Variants in ADCY2 observed in about 807,000 individuals in gnomAD.
The protein encoded by ADCY2 is adenylate cyclase type 2.
Under a neutral mutation model 125.2 loss-of-function variants are expected in ADCY2, and 31 were observed. That is an observed-to-expected ratio of 0.25 (90% confidence interval 0.19 to 0.33). ADCY2 has a LOEUF of 0.33. ADCY2 is among the 10% of genes least tolerant of loss of function. The pLI, the probability that ADCY2 is intolerant of heterozygous loss-of-function variation, is 1.00. For synonymous variants in ADCY2, 512 were observed against 548.4 expected (o/e 0.93, Z 0.93); for missense variants, 904 against 1,418.2 (o/e 0.64, Z 5.82).
intron 2 of ADCY2, among the ~76,000 whole-genome samples, chr5:7,429,191 A>T (rs959409589): frequency 6.6e-6 from 1 of 152,204 alleles, no homozygotes; most frequent in African/African-American, 2.4e-5. Flanking sequence ...AAGAGCAGGT[A>T]CAGTGAGAAG....
intron 2 of ADCY2, among the ~76,000 whole-genome samples, chr5:7,500,412 G>T (rs1743518140): frequency 6.6e-6 from 1 of 152,158 alleles, no homozygotes; most frequent in Non-Finnish European, 1.5e-5. Context: ...GGGGAAAAAG[G>T]ATAATTTACA....
At chr5:7,695,088 T>G (rs1413809740) in intron 5 of ADCY2, among the ~76,000 whole-genome samples, 1 of 152,220 alleles carries the variant, frequency 6.6e-6, no homozygotes, top group Non-Finnish European at 1.5e-5. Context: ...ATCAGAAACA[T>G]GTTATTGTGT....
At chr5:7,571,075 G>A (rs558511063) in intron 3 of ADCY2, among the ~76,000 whole-genome samples, 18 of 150,598 alleles carry the variant, frequency 1.2e-4, no homozygotes, top group South Asian at 8.3e-4. Flanking sequence ...AATTTTTTTT[G>A]GTATGGAATC....
At chr5:7,825,881 A>C (rs1268862467) in intron 24 of ADCY2, among the ~76,000 whole-genome samples, 6 of 152,194 alleles carry the variant, frequency 3.9e-5, no homozygotes, top group Admixed American at 3.9e-4. Context: ...ATCTCCGCTG[A>C]GGAGGAAGCT....
intron 2 of ADCY2, among the ~76,000 whole-genome samples, chr5:7,475,468 G>T (rs1275894251): frequency 6.6e-6 from 1 of 151,630 alleles, no homozygotes; most frequent in African/African-American, 2.4e-5. Context: ...TGCAACCTCC[G>T]TCCCCCGGGT....
intron 18 of ADCY2, among the ~76,000 whole-genome samples, chr5:7,781,902 G>C (rs566767156): frequency 6.6e-6 from 1 of 152,252 alleles, no homozygotes; most frequent in South Asian, 2.1e-4. Flanking sequence ...TGAAACCATA[G>C]GGGCCCTAAC....
intron 22 of ADCY2, among the ~76,000 whole-genome samples, chr5:7,809,837 A>G (rs943343166): frequency 6.6e-6 from 1 of 152,256 alleles, no homozygotes; most frequent in East Asian, 1.9e-4. Flanking sequence ...TAAGTCAACA[A>G]TGTGGCTAAA....
intron 14 of ADCY2, among the ~76,000 whole-genome samples, chr5:7,739,684 A>C (rs1348387020): frequency 6.6e-6 from 1 of 150,436 alleles, no homozygotes; most frequent in Non-Finnish European, 1.5e-5. Flanking sequence ...AGAAAGAAAA[A>C]CAGGGAGAAA....
rs111715721 is a variant in ADCY2, at chr5:7,488,647, G to A, written c.409-32091G>A. Among the ~76,000 whole-genome samples the A allele has an allele frequency of 9.6e-4, 146 of 152,288 alleles. 1 individual carries two copies. The highest frequency in any genetic ancestry group is 3.5e-3 in the African/African-American group (144 of 41,560). On this transcript the variant is annotated intron_variant, in intron 2 of 24. Coordinates refer to ENST00000338316, the MANE Select transcript of ADCY2 (RefSeq NM_020546.3). ...ATTTTTTAGGGGCAATGGAGAGAGT[G>A]TGACAGATGACACTGGGGAGCACGT... is the stretch of plus-strand genomic sequence containing the variant.
chr5:7,470,354 T>A (rs892422572), intron 2 of ADCY2, among the ~76,000 whole-genome samples: 1 of 151,644 alleles, frequency 6.6e-6, no homozygotes, highest in Non-Finnish European at 1.5e-5. Context: ...TCTGCATACA[T>A]CTCAGCTTCT....
chr5:7,707,059 T>C (rs1265797645), intron 8 of ADCY2, among the ~76,000 whole-genome samples, 157 bp downstream of exon 8: 1 of 152,218 alleles, frequency 6.6e-6, no homozygotes, highest in Non-Finnish European at 1.5e-5. Flanking sequence ...GTTAAGCAGA[T>C]AAAGACGAGC....
chr5:7,772,367 C>CG (rs1391685053), intron 17 of ADCY2, among the ~76,000 whole-genome samples: 2 of 152,150 alleles, frequency 1.3e-5, no homozygotes, highest in Non-Finnish European at 2.9e-5. Flanking sequence ...GTCAAACTCC[C>CG]GGGGGGATTC....
At chr5:7,603,291 G>A (rs537643443) in intron 3 of ADCY2, among the ~76,000 whole-genome samples, 49 of 152,258 alleles carry the variant, frequency 3.2e-4, no homozygotes, top group African/African-American at 8.7e-4. Flanking sequence ...GGGTGGGAAA[G>A]GTCTTGAAGA....
intron 2 of ADCY2, among the ~76,000 whole-genome samples, chr5:7,422,110 AAAACAAAC>A (rs201494787): frequency 2.0e-5 from 3 of 152,214 alleles, no homozygotes; most frequent in Admixed American, 6.5e-5. Flanking sequence ...CTGTTACATT[AAAACAAAC>A]AAACAAACAA....
chr5:7,464,885 G>C (rs1292677773), intron 2 of ADCY2, among the ~76,000 whole-genome samples: 1 of 152,116 alleles, frequency 6.6e-6, no homozygotes, highest in Non-Finnish European at 1.5e-5. Context: ...TCACATTGCT[G>C]ATAAAGACAT....
intron 2 of ADCY2, among the ~76,000 whole-genome samples, chr5:7,452,327 T>C (rs980082484): frequency 4.6e-5 from 7 of 152,230 alleles, no homozygotes; most frequent in Admixed American, 3.3e-4. Flanking sequence ...TAGCTTCCAC[T>C]GTATGTTATA....
intron 14 of ADCY2, among the ~76,000 whole-genome samples, chr5:7,737,989 AAG>A (rs1742298031): frequency 6.6e-6 from 1 of 152,206 alleles, no homozygotes; most frequent in Non-Finnish European, 1.5e-5. Flanking sequence ...CAAGTAAAAA[AAG>A]AGGGAATTCA....
At chr5:7,558,360 C>T (rs1025556525) in intron 3 of ADCY2, among the ~76,000 whole-genome samples, 1 of 152,012 alleles carries the variant, frequency 6.6e-6, no homozygotes, top group Non-Finnish European at 1.5e-5. Flanking sequence ...TTTGTTTTTA[C>T]TTTTTAATAA....
At chr5:7,525,526 C>T (rs147991747) in intron 3 of ADCY2, among the ~76,000 whole-genome samples, 36 of 152,170 alleles carry the variant, frequency 2.4e-4, no homozygotes, top group Non-Finnish European at 3.8e-4. Context: ...ATGAAAGAAT[C>T]GGGAGCCCTG....
Sources: gnomAD v4.1 joint callset for allele counts (sites outside exome capture counted in the v4.1 genomes callset) on GRCh38, gnomAD v4.1.1 for gene constraint, MANE v1.5 for transcripts, NCBI Gene and HGNC (gene_info 2026-07-23, HGNC 2026-07-21) for gene names.